Variants in TRIML2 observed in about 807,000 individuals in gnomAD.
TRIML2 encodes tripartite motif family like 2.
TRIML2 carries 28 observed loss-of-function variants against 31.2 expected under a neutral mutation model. The observed-to-expected ratio is 0.90, with a 90% CI of 0.66 to 1.23. TRIML2 has a LOEUF of 1.23. Among genes scored for constraint, TRIML2 ranks in the 50% most tolerant of loss-of-function variants. TRIML2 has a pLI of 0.00. For missense variants in TRIML2, 536 were observed against 528.3 expected, an observed-to-expected ratio of 1.01 and a Z score of -0.14; for synonymous variants, 187 against 197.5, an observed-to-expected ratio of 0.95 and a Z score of 0.45.
chr4:188,102,347 G>T (rs1029997650), intron 3 of TRIML2, among the ~76,000 whole-genome samples: 1 of 151,980 alleles, frequency 6.6e-6, no homozygotes, highest in Non-Finnish European at 1.5e-5. Context: ...AAAATATATA[G>T]AGAGAATCTA....
At chr4:188,104,147 C>T (rs58544005) in intron 3 of TRIML2, among the ~76,000 whole-genome samples, 11,760 of 152,146 alleles carry the variant, frequency 0.077, 1,041 homozygotes, top group East Asian at 0.51. Context: ...TGCTCATTCT[C>T]CTATGTCATT....
chr4:188,096,484 A>T (rs1419647836), intron 7 of TRIML2, among the ~76,000 whole-genome samples: 1 of 133,920 alleles, frequency 7.5e-6, no homozygotes, highest in African/African-American at 2.8e-5. Context: ...GTGAGCCAAG[A>T]TCGCACCACT....
At chr4:188,101,980 A>G (rs1733813028) in intron 3 of TRIML2, among the ~76,000 whole-genome samples, 1 of 151,262 alleles carries the variant, frequency 6.6e-6, no homozygotes, top group African/African-American at 2.4e-5. Flanking sequence ...AATACAAAAA[A>G]TTAGCCGGGC....
chr4:188,103,511 C>T (rs1321480343), intron 3 of TRIML2, among the ~76,000 whole-genome samples: 2 of 152,032 alleles, frequency 1.3e-5, no homozygotes, highest in African/African-American at 4.8e-5. Context: ...GCCACATACA[C>T]GGCAGCCTCC....
chr4:188,105,305 G>A lies in TRIML2; in HGVS notation c.64C>T (p.His22Tyr), dbSNP rs1361409647. The A allele has an allele frequency of 6.2e-7, 1 of 1,610,364 alleles. No individual in the cohort carries two copies. Among genetic ancestry groups the A allele is most frequent in the Non-Finnish European group, 8.5e-7 (1 of 1,177,210 alleles). ...CAGAACAGCCGTGTTGGTTCCAGGT[G>A]TGTTTCACAATAGGCATCTTCTGTG... ...NITEDAYCET[H>Y]LEPTRLFCDV... The change falls in exon 2 of 8, where the codon CAC becomes TAC. Residue 22 changes from histidine (H) to tyrosine (Y), a missense_variant. Physicochemically the swap from His to Tyr is moderately conservative, Grantham distance 83. Transcript: ENST00000682553.
chr4:188,101,095 A>G lies in TRIML2; in HGVS notation c.441T>C (p.Leu147=), dbSNP rs964958038. The G allele has an allele frequency of 1.2e-6, 2 of 1,613,512 alleles. No individual in the cohort carries two copies. The highest frequency in any genetic ancestry group is 3.3e-5 in the Admixed American group (2 of 59,930). The change falls in exon 4 of 8, where the codon CTT becomes CTC. Residue 147 remains leucine, a synonymous_variant. Coordinates refer to ENST00000682553, the MANE Select transcript of TRIML2 (RefSeq NM_173553.4). ...RETLLNQAIK[L]ATELEEMFQE... ...GGAACATCTCCTCTAGCTCGGTGGC[A>G]AGCTTGATCGCTTGATTCAGAAGGG...
At position 188,098,848 on chromosome 4, in the gene TRIML2, CA is replaced by C. The variant is rs1733643375; in HGVS notation, c.621+186del. 1.3e-5 allele frequency: 8 copies of C among 628,476 alleles called. No individual in the cohort carries two copies. In the South Asian group the frequency reaches 1.8e-4, roughly 14 times the overall value. The allele number at this position is 628,476 out of a possible 1,614,324, so 38.9% of individuals were successfully genotyped here. On this transcript the variant is annotated intron_variant, in intron 5 of 7. Coordinates refer to ENST00000682553, the MANE Select transcript of TRIML2 (RefSeq NM_173553.4). ...GAGAATTCATCTCATGAAGCAGCTC[CA>C]CACTATCCCACAAAGCTATGACCAT... is the stretch of plus-strand genomic sequence containing the variant.
At chr4:188,092,630 G>A (rs1361156619) in intron 7 of TRIML2, among the ~76,000 whole-genome samples, 1 of 152,138 alleles carries the variant, frequency 6.6e-6, no homozygotes, top group Non-Finnish European at 1.5e-5. Flanking sequence ...ACTCATTCGT[G>A]GCCCTCCCGA....
chr4:188,104,242 C>G lies in TRIML2; in HGVS notation c.285+595G>C, dbSNP rs565651788. On this transcript the variant is annotated intron_variant, in intron 3 of 7. Transcript: ENST00000682553. ...TACTCACCATATAATTTGTATTTCT[C>G]TTACCACGAACAAAGTTCAAATTCT... Among the ~76,000 whole-genome samples the G allele has an allele frequency of 7.4e-4, 112 of 152,324 alleles. No homozygotes were observed. The South Asian group carries it at 0.022, about 30-fold the overall frequency.
At chr4:188,106,114 A>T (rs1406983877) in intron 1 of TRIML2, 3 of 151,354 alleles carry the variant, frequency 2.0e-5, no homozygotes, top group Non-Finnish European at 2.9e-5. Context: ...CGGTGGCGCG[A>T]TCTCGGCTCC....
At chr4:188,103,987 T>C (rs1733918392) in intron 3 of TRIML2, among the ~76,000 whole-genome samples, 1 of 152,190 alleles carries the variant, frequency 6.6e-6, no homozygotes, top group South Asian at 2.1e-4. Flanking sequence ...GGGGATACCT[T>C]GCACAGAATA....
At position 188,091,310 on chromosome 4, in the gene TRIML2, C is replaced by CT; in HGVS notation, c.*62dup. 1 of 1,497,864 alleles carries CT rather than the reference C, an allele frequency of 6.7e-7. No individual in the cohort carries two copies. The highest frequency in any genetic ancestry group is 9.1e-7 in the Non-Finnish European group (1 of 1,103,344). 92.8% of individuals were successfully genotyped at this position (1,497,864 alleles called of 1,614,324 possible). A position where few individuals can be genotyped will look rare whatever the true frequency, so the allele number is the denominator to read the frequency against. Reference sequence around the variant, plus strand: ...TTTATTGGGTTAGTTTACACAAATTCTTTCAAAGTCTTGTTCTCCAACTTT... The same window carrying CT: ...TTTATTGGGTTAGTTTACACAAATTCTTTTCAAAGTCTTGTTCTCCAACTTT... On this transcript the variant is annotated 3_prime_UTR_variant, in exon 8 of 8. Transcript: ENST00000682553.
intron 1 of TRIML2, among the ~76,000 whole-genome samples, chr4:188,109,026 A>G: frequency 6.6e-6 from 1 of 152,276 alleles, no homozygotes; most frequent in Non-Finnish European, 1.5e-5. Flanking sequence ...AGAGAGGGAC[A>G]GAGACTAAAT....
In TRIML2 at chr4:188,091,919, T is replaced by C. The variant is rs753952820; in HGVS notation, c.768A>G (p.Glu256=). The change falls in exon 8 of 8, where the codon GAA becomes GAG. Residue 256 remains glutamate, a synonymous_variant. Transcript: ENST00000682553. ...VLQRHLTLDP[E]TAHPCLALSE... ...ATAGTGCCAGGCAGGGATGAGCTGTTTCAGGATCCAATGTTAAATGTCCTA... is the reference window on the plus strand; with the variant it reads ...ATAGTGCCAGGCAGGGATGAGCTGTCTCAGGATCCAATGTTAAATGTCCTA... 1 of 1,611,432 alleles carries C rather than the reference T, an allele frequency of 6.2e-7. No homozygotes were observed. The highest frequency in any genetic ancestry group is 8.5e-7 in the Non-Finnish European group (1 of 1,179,816).
At chr4:188,105,951 C>A in intron 1 of TRIML2, 1 of 152,518 alleles carries the variant, frequency 6.6e-6, no homozygotes, top group Non-Finnish European at 1.5e-5. Context: ...TCCCAGGCTC[C>A]AGCGATCCTC....
Position 188,099,960 on chromosome 4 carries a change from G to A in TRIML2, c.481-785C>T, listed in dbSNP as rs530673460. ...TTACATATACTGCGTAGTCACATAC[G>A]CAACTTGAGTATGTTATTTAGGGGG... On this transcript the variant is annotated intron_variant, in intron 4 of 7. Coordinates refer to ENST00000682553, the MANE Select transcript of TRIML2 (RefSeq NM_173553.4). Among the ~76,000 whole-genome samples the A allele has an allele frequency of 5.3e-5, 8 of 152,054 alleles. No individual in the cohort carries two copies. The South Asian group carries it at 1.7e-3, about 32-fold the overall frequency.
chr4:188,102,965 TC>T lies in TRIML2; in HGVS notation c.286-1716del, dbSNP rs367940779. The stretch of plus-strand genomic sequence containing the variant: ...ATCATCTCTCCCTAATTATTGCAAG[TC>T]CCTTTGCACGTCTCTCCACCTCTGC... On this transcript the variant is annotated intron_variant, in intron 3 of 7. Coordinates refer to ENST00000682553, the MANE Select transcript of TRIML2 (RefSeq NM_173553.4). 1.9e-3 allele frequency among the ~76,000 whole-genome samples: 275 copies of T among 148,528 alleles called. 2 individuals are homozygous for T. Among genetic ancestry groups the T allele is most frequent in the African/African-American group, 6.3e-3 (255 of 40,686 alleles).
intron 5 of TRIML2, 97 bp downstream of exon 5, chr4:188,098,938 G>A: frequency 7.4e-7 from 1 of 1,354,580 alleles, no homozygotes; most frequent in East Asian, 2.4e-5. Context: ...AAGATCATTG[G>A]ATATTGTGTT....
intron 3 of TRIML2, among the ~76,000 whole-genome samples, chr4:188,102,970 T>C (rs1175819752): frequency 6.6e-6 from 1 of 151,200 alleles, no homozygotes; most frequent in East Asian, 1.9e-4. Flanking sequence ...GCAAGTCCCT[T>C]TGCACGTCTC....
Sources: gnomAD v4.1 joint callset for allele counts (sites outside exome capture counted in the v4.1 genomes callset) on GRCh38, gnomAD v4.1.1 for gene constraint, MANE v1.5 for transcripts, NCBI Gene and HGNC (gene_info 2026-07-23, HGNC 2026-07-21) for gene names.